PLPPR1: variants seen among roughly 807,000 people sequenced by gnomAD.
PLPPR1 encodes the protein phospholipid phosphatase related 1.
In PLPPR1, 10 loss-of-function variants were observed where a neutral mutation model predicts 33.1. The ratio of observed to expected loss-of-function variants is 0.30; its 90% CI spans 0.19 to 0.51. The LOEUF (loss-of-function observed/expected upper bound fraction) is 0.51. Ranked by LOEUF, PLPPR1 falls within the 20% of genes least tolerant of loss-of-function variation. PLPPR1 has a pLI of 0.97. For missense variants in PLPPR1, 304 were observed against 408.1 expected (o/e 0.74, Z 2.20); for synonymous variants, 151 against 151.0 (o/e 1.00, Z 0.00).
chr9:101,243,057 T>C (rs181800342), intron 2 of PLPPR1, among the ~76,000 whole-genome samples: 1 of 152,000 alleles, frequency 6.6e-6, no homozygotes, highest in African/African-American at 2.4e-5. Flanking sequence ...AAAGAATAAT[T>C]GTAGCAGAAG....
chr9:101,285,747 C>T (rs985401174), intron 3 of PLPPR1, among the ~76,000 whole-genome samples: 6 of 152,162 alleles, frequency 3.9e-5, no homozygotes, highest in Non-Finnish European at 5.9e-5. Flanking sequence ...CCTTCTTGGG[C>T]ACATTGGCTG....
chr9:101,298,455 G>A (rs1378122946), intron 4 of PLPPR1, among the ~76,000 whole-genome samples: 12 of 152,212 alleles, frequency 7.9e-5, no homozygotes, highest in Admixed American at 3.3e-4. Flanking sequence ...AGGTCATGGC[G>A]TTTTATGGTT....
rs527884198 is a variant in PLPPR1, at chr9:101,046,435, C to CTTTT, written c.-46+17352_-46+17355dup. 1.2e-3 allele frequency among the ~76,000 whole-genome samples: 143 copies of CTTTT among 116,748 alleles called. 3 individuals are homozygous for CTTTT. The highest frequency in any genetic ancestry group is 3.8e-3 in the African/African-American group (107 of 28,452). 76.6% of individuals were successfully genotyped at this position (116,748 alleles called of 152,430 possible). A position where few individuals can be genotyped will look rare whatever the true frequency, so the allele number is the denominator to read the frequency against. ...CCAATTTTTCTTTACCTCTTTTATT[C>CTTTT]TTTTTTTTTTTTTTTTTTTTTTGAG... is the stretch of plus-strand genomic sequence containing the variant. On this transcript the variant is annotated intron_variant, in intron 1 of 7. Coordinates refer to ENST00000374874, the MANE Select transcript of PLPPR1 (RefSeq NM_207299.2).
chr9:101,057,558 A>G (rs1424631396), intron 1 of PLPPR1, among the ~76,000 whole-genome samples: 8 of 152,200 alleles, frequency 5.3e-5, no homozygotes, highest in Non-Finnish European at 7.3e-5. Flanking sequence ...TACCTCATTT[A>G]ATAACTACTG....
chr9:101,304,032 GT>G (rs138254940), intron 4 of PLPPR1, among the ~76,000 whole-genome samples: 22 of 151,990 alleles, frequency 1.4e-4, no homozygotes, highest in South Asian at 2.1e-4. Context: ...ATACTCTAAG[GT>G]TTTTTTTATT....
At chr9:101,257,560 C>T (rs1481601877) in intron 2 of PLPPR1, among the ~76,000 whole-genome samples, 1 of 152,148 alleles carries the variant, frequency 6.6e-6, no homozygotes, top group Non-Finnish European at 1.5e-5. Flanking sequence ...GGAGCCATCA[C>T]ATTATGCTGT....
chr9:101,135,704 G>A (rs960103033), intron 1 of PLPPR1, among the ~76,000 whole-genome samples: 3 of 152,106 alleles, frequency 2.0e-5, no homozygotes, highest in African/African-American at 7.2e-5. Flanking sequence ...AGTTACCTCC[G>A]GCTTAAAGGT....
At chr9:101,256,509 G>C (rs1416860476) in intron 2 of PLPPR1, among the ~76,000 whole-genome samples, 1 of 152,150 alleles carries the variant, frequency 6.6e-6, no homozygotes, top group African/African-American at 2.4e-5. Context: ...ACTGCTGACG[G>C]CTTCACCAGA....
chr9:101,245,627 A>G (rs1827578423), intron 2 of PLPPR1, among the ~76,000 whole-genome samples: 1 of 151,996 alleles, frequency 6.6e-6, no homozygotes, highest in African/African-American at 2.4e-5. Context: ...AAACGCTAAA[A>G]GAGTAAGAAT....
chr9:101,270,613 T>TTTAA (rs1185974529), intron 3 of PLPPR1, among the ~76,000 whole-genome samples: 2 of 152,204 alleles, frequency 1.3e-5, no homozygotes, highest in African/African-American at 4.8e-5. Context: ...TAAATTAAGT[T>TTTAA]GCAACTTTAC....
chr9:101,097,112 T>C (rs1320994296), intron 1 of PLPPR1, among the ~76,000 whole-genome samples: 1 of 152,150 alleles, frequency 6.6e-6, no homozygotes, highest in Admixed American at 6.6e-5. Context: ...GACATCTAAG[T>C]CAGTGGATCT....
intron 1 of PLPPR1, among the ~76,000 whole-genome samples, chr9:101,181,125 ATATAT>A (rs941437403): frequency 2.7e-5 from 4 of 147,690 alleles, no homozygotes; most frequent in Non-Finnish European, 3.0e-5. Context: ...TATATATTAG[ATATAT>A]TATATATCTA....
intron 2 of PLPPR1, among the ~76,000 whole-genome samples, chr9:101,207,262 C>G (rs1826606265): frequency 6.6e-6 from 1 of 152,014 alleles, no homozygotes; most frequent in Admixed American, 6.6e-5. Flanking sequence ...CTCACTAATT[C>G]CTCTTAAAAA....
chr9:101,067,730 T>C (rs1353329737), intron 1 of PLPPR1, among the ~76,000 whole-genome samples: 1 of 152,046 alleles, frequency 6.6e-6, no homozygotes, highest in African/African-American at 2.4e-5. Context: ...AGGTGGATGC[T>C]GAGAACAGCA....
rs1830345304 is a variant in PLPPR1 at position 101,061,336 on chromosome 9, T to TA, written c.-46+32241dup. ...TCCCATTAACTTTCATTTATGATAT[T>TA]AAAAAAACATGTTAATTAAGATATA... On this transcript the variant is annotated intron_variant, in intron 1 of 7. Coordinates refer to ENST00000374874, the MANE Select transcript of PLPPR1 (RefSeq NM_207299.2). Among the ~76,000 whole-genome samples, 3 of 152,016 alleles carry TA rather than the reference T, an allele frequency of 2.0e-5. No individual in the cohort carries two copies. The South Asian group carries it at 6.2e-4, about 32-fold the overall frequency.
chr9:101,319,666 A>AAATAT (rs1198278968), intron 7 of PLPPR1, among the ~76,000 whole-genome samples: 1 of 152,222 alleles, frequency 6.6e-6, no homozygotes, highest in Non-Finnish European at 1.5e-5. Context: ...GCTACAGGTT[A>AAATAT]AATATCAAAT....
chr9:101,315,886 C>G (rs1829042085), intron 6 of PLPPR1, among the ~76,000 whole-genome samples: 1 of 152,146 alleles, frequency 6.6e-6, no homozygotes, highest in African/African-American at 2.4e-5. Context: ...GTTTGTGGTT[C>G]CCATGAGGCG....
chr9:101,278,159 G>T (rs1335670942), intron 3 of PLPPR1, among the ~76,000 whole-genome samples: 4 of 152,182 alleles, frequency 2.6e-5, no homozygotes, highest in African/African-American at 9.7e-5. Flanking sequence ...AACATGCAGT[G>T]AAATTTCCTT....
intron 2 of PLPPR1, among the ~76,000 whole-genome samples, chr9:101,264,576 A>C (rs1827953865): frequency 6.6e-6 from 1 of 152,192 alleles, no homozygotes; most frequent in Non-Finnish European, 1.5e-5. Flanking sequence ...TAGATTACAA[A>C]TTACATGGGG....
Sources: gnomAD v4.1 joint callset for allele counts (sites outside exome capture counted in the v4.1 genomes callset) on GRCh38, gnomAD v4.1.1 for gene constraint, MANE v1.5 for transcripts, NCBI Gene and HGNC (gene_info 2026-07-23, HGNC 2026-07-21) for gene names.